Variants in ZNF432 observed in about 807,000 individuals in gnomAD.
ZNF432 encodes zinc finger protein 432.
In ZNF432, 10 loss-of-function variants were observed where a neutral mutation model predicts 13.9. The ratio of observed to expected loss-of-function variants is 0.72; its 90% CI spans 0.44 to 1.22. The LOEUF (loss-of-function observed/expected upper bound fraction) is 1.22, where lower values mean the gene tolerates loss of function less well. Ranked by LOEUF, ZNF432 falls within the 50% of genes most tolerant of loss-of-function variation. The probability of loss-of-function intolerance (pLI) is 0.00; values close to 1 mark genes in which losing one functional copy is unlikely to be tolerated. For missense variants in ZNF432, 793 were observed against 796.2 expected (o/e 1.00, Z 0.05); for synonymous variants, 247 against 256.2 (o/e 0.96, Z 0.34).
chr19:52,034,284 G>C lies in ZNF432; in HGVS notation c.1395C>G (p.Gly465=). 6.2e-7 allele frequency: 1 copy of C among 1,613,984 alleles called. No homozygotes were observed. The highest frequency in any genetic ancestry group is 8.5e-7 in the Non-Finnish European group (1 of 1,179,912). Residue 465 remains glycine, a synonymous_variant, in exon 5 of 5, where the codon GGC becomes GGG. Coordinates refer to ENST00000221315, the MANE Select transcript of ZNF432 (RefSeq NM_014650.4). The stretch of plus-strand genomic sequence containing the variant: ...CAATCAGCCGACTCTTCAAGGGGAA[G>C]CCTTTCCCACATTCACTGCATGTGT... ...KPYTCSECGK[G]FPLKSRLIVH...
intron 2 of ZNF432, among the ~76,000 whole-genome samples, chr19:52,045,725 T>G (rs1352585642): frequency 6.8e-6 from 1 of 147,364 alleles, no homozygotes; most frequent in African/African-American, 2.5e-5. Flanking sequence ...CCAGGTGCAG[T>G]GGCTCACGCC....
chr19:52,048,184 A>AC (rs1568525403), intron 1 of ZNF432, among the ~76,000 whole-genome samples: 47 of 56,166 alleles, frequency 8.4e-4, no homozygotes, highest in East Asian at 2.0e-3. Context: ...CACACACACA[A>AC]AACCAGCCAG....
Position 52,040,529 on chromosome 19 carries a change from G to C in ZNF432, c.197C>G (p.Pro66Arg). The C allele has an allele frequency of 4.3e-6, 7 of 1,614,114 alleles. No homozygotes were observed. The highest frequency in any genetic ancestry group is 5.9e-6 in the Non-Finnish European group (7 of 1,180,012). ...ALSKLERGEE[P>R]WTMEDERHSR... ...GTGCCTTTCATCTTCCATTGTCCAT[G>C]GTTCTTCTCCTCGTTCCAACTTGGA... Residue 66 changes from proline to arginine, a missense_variant, in exon 4 of 5, where the codon CCA (proline) becomes CGA (arginine). Coordinates refer to ENST00000221315, the MANE Select transcript of ZNF432 (RefSeq NM_014650.4).
At chr19:52,037,267 T>C (rs995526459) in intron 4 of ZNF432, among the ~76,000 whole-genome samples, 14 of 152,232 alleles carry the variant, frequency 9.2e-5, no homozygotes, top group African/African-American at 3.4e-4. Context: ...GACTACCATC[T>C]AACTTTCCAA....
chr19:52,035,323 CT>C lies in ZNF432; in HGVS notation c.355del (p.Ser119AlafsTer16). The C allele has an allele frequency of 1.2e-6, 2 of 1,612,592 alleles. No homozygotes were observed. Among genetic ancestry groups the C allele is most frequent in the Middle Eastern group, 3.3e-4 (2 of 6,050 alleles). ...ATGATTTTCCCTGAAAAGACAAAGGCTTTTGGTTTGAGAGGCAGTATTTCCA... is the reference window on the plus strand; with the variant it reads ...ATGATTTTCCCTGAAAAGACAAAGGCTTTGGTTTGAGAGGCAGTATTTCCA... ...AFGNTASQTK[S>X]LCLFRENHDT... On this transcript the variant is annotated frameshift_variant, in exon 5 of 5. Coordinates refer to ENST00000221315, the MANE Select transcript of ZNF432 (RefSeq NM_014650.4). LOFTEE classifies it low-confidence loss of function (END_TRUNC).
At chr19:52,036,169 T>C (rs2087079135) in intron 4 of ZNF432, among the ~76,000 whole-genome samples, 1 of 152,240 alleles carries the variant, frequency 6.6e-6, no homozygotes, top group Admixed American at 6.5e-5. Flanking sequence ...GTTGTATTTA[T>C]TCACTCCACT....
chr19:52,035,544 A>T (rs1409273601), intron 4 of ZNF432, 104 bp from the exon 5 acceptor site: 4 of 978,250 alleles, frequency 4.1e-6, no homozygotes, highest in Non-Finnish European at 2.8e-6. Flanking sequence ...TATTATTATT[A>T]TTTTTTGAGA....
In ZNF432 at chr19:52,040,598, T is replaced by C. The variant is rs1196806011; in HGVS notation, c.143-15A>G. 12 of 1,609,678 alleles carry C rather than the reference T, an allele frequency of 7.5e-6. No individual in the cohort carries two copies. Among genetic ancestry groups the C allele is most frequent in the Non-Finnish European group, 1.0e-5 (12 of 1,176,086 alleles). ...GACTTGATAACCTGTTTACGGGAAA[T>C]AATAGAAGACAGACACACTGGATTG... On this transcript the variant is annotated splice_polypyrimidine_tract_variant and intron_variant, in intron 3 of 4. Coordinates refer to ENST00000221315, the MANE Select transcript of ZNF432 (RefSeq NM_014650.4).
intron 2 of ZNF432, among the ~76,000 whole-genome samples, chr19:52,044,868 T>C (rs955915095): frequency 6.6e-6 from 1 of 152,192 alleles, no homozygotes; most frequent in Admixed American, 6.5e-5. Context: ...CTTCAATTAA[T>C]TGCAGTGATT....
rs912029043 is a variant in ZNF432 at position 52,034,561 on chromosome 19, T to C, written c.1118A>G (p.Tyr373Cys). The part of the protein sequence containing the change: ...HQRNHTGEKP[Y>C]ICNECGKGFT... ...GCCTTTCCCACATTCATTGCATATA[T>C]ATGGTTTCTCTCCTGTATGATTTCG... The change falls in exon 5 of 5, where the codon TAT becomes TGT. Residue 373 changes from tyrosine (Y) to cysteine (C), a missense_variant. Physicochemically the swap from Tyr to Cys is radical, Grantham distance 194. Transcript: ENST00000221315. 1 of 1,613,032 alleles carries C rather than the reference T, an allele frequency of 6.2e-7. No individual in the cohort carries two copies. Among genetic ancestry groups the C allele is most frequent in the Non-Finnish European group, 8.5e-7 (1 of 1,179,848 alleles).
At chr19:52,037,496 A>G (rs1230408883) in intron 4 of ZNF432, among the ~76,000 whole-genome samples, 2 of 152,164 alleles carry the variant, frequency 1.3e-5, no homozygotes, top group African/African-American at 4.8e-5. Context: ...TTCTGCATGC[A>G]GTAGAAAAGT....
chr19:52,031,919 A>G lies in ZNF432; in HGVS notation c.*1801T>C, dbSNP rs58329304. ...AGGCTGAGGCAGGAAAATCTCTTGA[A>G]CCTGGGAGGCGGGGTTGCAGTGAGC... is the stretch of plus-strand genomic sequence containing the variant. On this transcript the variant is annotated 3_prime_UTR_variant, in exon 5 of 5. Coordinates refer to ENST00000221315, the MANE Select transcript of ZNF432 (RefSeq NM_014650.4). 0.2 allele frequency: 29,905 copies of G among 152,142 alleles called. 3,262 individuals are homozygous for G. The highest frequency in any genetic ancestry group is 0.38 in the East Asian group (1,964 of 5,166). The allele number at this position is 152,142 out of a possible 1,614,324, so 9.4% of individuals were successfully genotyped here. A position where few individuals can be genotyped will look rare whatever the true frequency, so the allele number is the denominator to read the frequency against.
chr19:52,045,721 G>A (rs1327814593), intron 2 of ZNF432, among the ~76,000 whole-genome samples: 4 of 149,980 alleles, frequency 2.7e-5, no homozygotes, highest in Admixed American at 6.6e-5. Flanking sequence ...GAGGCCAGGT[G>A]CAGTGGCTCA....
At position 52,046,835 on chromosome 19, in the gene ZNF432, A is replaced by C. The variant is rs761753128; in HGVS notation, c.15+19T>G. 150 of 1,613,232 alleles carry C rather than the reference A, an allele frequency of 9.3e-5. No homozygotes were observed. Among genetic ancestry groups the C allele is most frequent in the Non-Finnish European group, 1.2e-4 (142 of 1,179,526 alleles). ...TCCACTATGGAATAAAGGAGAGAAT[A>C]AAATAGAGAAAAAGTCACCTGGGCA... On this transcript the variant is annotated intron_variant, in intron 2 of 4. Transcript: ENST00000221315.
chr19:52,041,168 A>G (rs1437396626), intron 3 of ZNF432, among the ~76,000 whole-genome samples: 2 of 152,192 alleles, frequency 1.3e-5, no homozygotes, highest in African/African-American at 4.8e-5. Flanking sequence ...TAGCATTTAC[A>G]TTGTATTAAG....
At chr19:52,044,301 TAAAG>T (rs2087162233) in intron 2 of ZNF432, among the ~76,000 whole-genome samples, 1 of 152,096 alleles carries the variant, frequency 6.6e-6, no homozygotes. Context: ...TTTTCCTGTT[TAAAG>T]TCCTTACCAG....
chr19:52,038,617 C>T (rs948536629), intron 4 of ZNF432, among the ~76,000 whole-genome samples: 1 of 152,164 alleles, frequency 6.6e-6, no homozygotes, highest in Non-Finnish European at 1.5e-5. Flanking sequence ...TTCATGTCAC[C>T]ATCTTCCTAA....
chr19:52,046,986 C>A lies in ZNF432; in HGVS notation c.-118G>T. The A allele has an allele frequency of 9.8e-7, 1 of 1,023,268 alleles. No homozygotes were observed. The highest frequency in any genetic ancestry group is 1.6e-5 in the South Asian group (1 of 62,408). The allele number at this position is 1,023,268 out of a possible 1,614,324, so 63.4% of individuals were successfully genotyped here. ...ACCAGTGAAGGGTGTCCACAGAAAT[C>A]ATATCTAGGTCCTGGAATCTTCCTC... On this transcript the variant is annotated 5_prime_UTR_variant, in exon 2 of 5. The change abolishes an upstream ATG in the 5' untranslated region. Coordinates refer to ENST00000221315, the MANE Select transcript of ZNF432 (RefSeq NM_014650.4).
intron 4 of ZNF432, chr19:52,040,229 A>C: frequency 2.0e-6 from 1 of 495,270 alleles, no homozygotes; most frequent in South Asian, 2.1e-5. Flanking sequence ...TTCTAGGTAA[A>C]CAGTAAACAA....
Sources: gnomAD v4.1 joint callset for allele counts (sites outside exome capture counted in the v4.1 genomes callset) on GRCh38, gnomAD v4.1.1 for gene constraint, MANE v1.5 for transcripts, NCBI Gene and HGNC (gene_info 2026-07-23, HGNC 2026-07-21) for gene names.